Variants in MINDY3 observed in about 807,000 individuals in gnomAD.
MINDY3 encodes the protein MINDY lysine 48 deubiquitinase 3, also known as ubiquitin carboxyl-terminal hydrolase MINDY-3.
MINDY3 carries 38 observed loss-of-function variants against 69.2 expected under a neutral mutation model. The observed-to-expected ratio is 0.55, with a 90% CI of 0.42 to 0.72. The LOEUF (loss-of-function observed/expected upper bound fraction) is 0.72. Ranked by LOEUF, MINDY3 falls within the 30% of genes least tolerant of loss-of-function variation. MINDY3 has a pLI of 0.00. For missense variants in MINDY3, 522 were observed against 519.0 expected, an observed-to-expected ratio of 1.01 and a Z score of -0.06; for synonymous variants, 192 against 180.1, an observed-to-expected ratio of 1.07 and a Z score of -0.53.
chr10:15,816,983 A>G, intron 9 of MINDY3, 68 bp from the exon 10 acceptor site: 3 of 1,165,456 alleles, frequency 2.6e-6, no homozygotes, highest in Non-Finnish European at 3.8e-6. Flanking sequence ...TTATTTGCCC[A>G]TAAATATCTG....
chr10:15,802,290 A>G (rs1185222662), intron 10 of MINDY3, among the ~76,000 whole-genome samples: 1 of 152,080 alleles, frequency 6.6e-6, no homozygotes, highest in Non-Finnish European at 1.5e-5. Context: ...ATACTACCTG[A>G]GGTGGGGTAA....
chr10:15,844,345 A>G (rs1833685125), intron 2 of MINDY3, among the ~76,000 whole-genome samples: 1 of 152,228 alleles, frequency 6.6e-6, no homozygotes, highest in Non-Finnish European at 1.5e-5. Flanking sequence ...TTGAGAAGTG[A>G]GATGGGGATA....
At position 15,860,246 on chromosome 10, in the gene MINDY3, G is replaced by A. The variant is rs2132171573; in HGVS notation, c.54C>T (p.Ser18=). Residue 18 remains serine, a synonymous_variant, in exon 1 of 15, where the codon AGC becomes AGT. Coordinates refer to ENST00000277632, the MANE Select transcript of MINDY3 (RefSeq NM_024948.4). The stretch of plus-strand genomic sequence containing the variant: ...AGAAAATGGTGTCCGAGAGACCGGG[G>A]CTGCTCTTGGTGCCCCACACCAGCT... ...LMELVWGTKS[S]PGLSDTIFCR... 6.2e-7 allele frequency: 1 copy of A among 1,611,072 alleles called. No homozygotes were observed. Among genetic ancestry groups the A allele is most frequent in the Non-Finnish European group, 8.5e-7 (1 of 1,178,788 alleles).
At chr10:15,819,859 T>C (rs1411098305) in intron 9 of MINDY3, among the ~76,000 whole-genome samples, 1 of 152,198 alleles carries the variant, frequency 6.6e-6, no homozygotes, top group African/African-American at 2.4e-5. Context: ...AGCGATTGAC[T>C]TCCCACTAAG....
At chr10:15,805,180 T>G (rs1332048582) in intron 10 of MINDY3, among the ~76,000 whole-genome samples, 1 of 151,966 alleles carries the variant, frequency 6.6e-6, no homozygotes, top group African/African-American at 2.4e-5. Context: ...TCCGTCAAGC[T>G]TTTCTTGAAG....
chr10:15,813,223 T>C (rs115538673), intron 10 of MINDY3, among the ~76,000 whole-genome samples: 3,003 of 152,246 alleles, frequency 0.02, 87 homozygotes, highest in African/African-American at 0.066. Context: ...TTCTTCCAGC[T>C]TCATCTTACA....
chr10:15,800,881 T>C (rs866486988), intron 10 of MINDY3, among the ~76,000 whole-genome samples: 11 of 152,294 alleles, frequency 7.2e-5, no homozygotes, highest in Middle Eastern at 3.4e-3. Context: ...GCAGGGTTGC[T>C]ATAGGAAAGG....
In MINDY3 at chr10:15,796,143, A is replaced by G. The variant is rs761607475; in HGVS notation, c.912T>C (p.Pro304=). The G allele has an allele frequency of 1.2e-6, 2 of 1,612,824 alleles. No individual in the cohort carries two copies. The highest frequency in any genetic ancestry group is 1.7e-6 in the Non-Finnish European group (2 of 1,179,118). The change falls in exon 11 of 15, where the codon CCT becomes CCC. Residue 304 remains proline, a synonymous_variant. Coordinates refer to ENST00000277632, the MANE Select transcript of MINDY3 (RefSeq NM_024948.4). Reference sequence around the variant, plus strand: ...GAAAAACTCTTCTGGCTTGTTCTGAAGGAGCTTCAGGGGCAACTAAAGCCA... The same window carrying G: ...GAAAAACTCTTCTGGCTTGTTCTGAGGGAGCTTCAGGGGCAACTAAAGCCA... ...KDMALVAPEA[P]SEQARRVFQT...
intron 11 of MINDY3, among the ~76,000 whole-genome samples, chr10:15,790,105 T>TA (rs956432820): frequency 1.8e-3 from 273 of 150,354 alleles, no homozygotes; most frequent in Non-Finnish European, 2.4e-3. Flanking sequence ...ATTAGATGAT[T>TA]AAAAAAAAAA....
Position 15,848,662 on chromosome 10 carries a change from AGAAAG to A in MINDY3, c.95-724_95-720del, listed in dbSNP as rs140327220. Among the ~76,000 whole-genome samples, 106 of 101,150 alleles carry A rather than the reference AGAAAG, an allele frequency of 1.0e-3. 6 individuals are homozygous for A. The highest frequency in any genetic ancestry group is 3.1e-3 in the African/African-American group (83 of 27,108). The allele number at this position is 101,150 out of a possible 152,430, so 66.4% of individuals were successfully genotyped here. A position where few individuals can be genotyped will look rare whatever the true frequency, so the allele number is the denominator to read the frequency against. ...AAAAAAAAAAAAAAAAAAAAAAAAA[AGAAAG>A]AAAAATTAAATGGCATTGTAGACAG... On this transcript the variant is annotated intron_variant, in intron 1 of 14. Transcript: ENST00000277632.
At chr10:15,826,507 A>G (rs1437579887) in intron 8 of MINDY3, among the ~76,000 whole-genome samples, 7 of 152,238 alleles carry the variant, frequency 4.6e-5, no homozygotes, top group Non-Finnish European at 8.8e-5. Context: ...ATTTCCTCAA[A>G]ATAACCTACA....
intron 8 of MINDY3, among the ~76,000 whole-genome samples, chr10:15,828,707 T>C (rs80145816): frequency 0.016 from 2,453 of 152,242 alleles, 23 homozygotes; most frequent in Non-Finnish European, 0.025. Flanking sequence ...CAGTTTCTTA[T>C]AGCTAAAAAT....
intron 1 of MINDY3, among the ~76,000 whole-genome samples, chr10:15,858,595 A>G (rs936397317): frequency 2.6e-5 from 4 of 152,226 alleles, no homozygotes; most frequent in Admixed American, 2.6e-4. Flanking sequence ...TGTACTTTAC[A>G]GAGAAGGAAA....
intron 10 of MINDY3, among the ~76,000 whole-genome samples, chr10:15,811,013 TATA>T (rs1177668575): frequency 6.6e-6 from 1 of 152,118 alleles, no homozygotes; most frequent in African/African-American, 2.4e-5. Flanking sequence ...CTAGGATGAT[TATA>T]ATAATAATTT....
At chr10:15,784,234 G>A (rs970431566) in intron 13 of MINDY3, among the ~76,000 whole-genome samples, 3 of 152,162 alleles carry the variant, frequency 2.0e-5, no homozygotes, top group African/African-American at 7.2e-5. Flanking sequence ...TTGGGAAAGG[G>A]GAGCTGCTTC....
chr10:15,797,600 C>G (rs577113201), intron 10 of MINDY3, among the ~76,000 whole-genome samples: 1 of 152,060 alleles, frequency 6.6e-6, no homozygotes, highest in Non-Finnish European at 1.5e-5. Flanking sequence ...ACATCATAAA[C>G]GTGCAGTTAT....
In MINDY3 at chr10:15,819,205, G is replaced by A. The variant is rs933834119; in HGVS notation, c.802-2290C>T. Among the ~76,000 whole-genome samples, 5 of 152,180 alleles carry A rather than the reference G, an allele frequency of 3.3e-5. No individual in the cohort carries two copies. The South Asian group carries it at 6.2e-4, about 19-fold the overall frequency. ...AAATCTGCTACACTTATCAAAGCACGGGGAAATGTTCAGACTTACAAAATT... is the reference window on the plus strand; with the variant it reads ...AAATCTGCTACACTTATCAAAGCACAGGGAAATGTTCAGACTTACAAAATT... On this transcript the variant is annotated intron_variant, in intron 9 of 14. Transcript: ENST00000277632.
At chr10:15,850,574 G>GC (rs1834212928) in intron 1 of MINDY3, among the ~76,000 whole-genome samples, 1 of 151,996 alleles carries the variant, frequency 6.6e-6, no homozygotes, top group Non-Finnish European at 1.5e-5. Context: ...CTCCTGTAGC[G>GC]CCCCCAGGCT....
rs1302584533 is a variant in MINDY3 at position 15,850,922 on chromosome 10, G to A, written c.95-2979C>T. Among the ~76,000 whole-genome samples the A allele has an allele frequency of 4.6e-5, 7 of 151,934 alleles. No individual in the cohort carries two copies. The East Asian group carries it at 1.2e-3, about 25-fold the overall frequency. ...TTGTACTCTGTCCCTTTATTTCTCA[G>A]ACCAGCCAACACTTAGGGAAAATAG... On this transcript the variant is annotated intron_variant, in intron 1 of 14. Transcript: ENST00000277632.
Sources: allele counts gnomAD v4.1 joint callset (sites outside exome capture counted in the v4.1 genomes callset), GRCh38; gene constraint gnomAD v4.1.1; transcripts MANE v1.5; gene names NCBI Gene and HGNC (gene_info 2026-07-23, HGNC 2026-07-21).